NEBL: variants seen among roughly 807,000 people sequenced by gnomAD.
NEBL encodes the protein nebulette.
In NEBL, 122 loss-of-function variants were observed where a neutral mutation model predicts 140.2. The observed-to-expected ratio is 0.87, with a 90% CI of 0.75 to 1.01. The LOEUF (loss-of-function observed/expected upper bound fraction) is 1.01. Among genes scored for constraint, NEBL ranks in the 50% least tolerant of loss-of-function variants. NEBL has a pLI of 0.00. For synonymous variants in NEBL, 436 were observed against 398.9 expected (o/e 1.09, Z -1.11); for missense variants, 1,365 against 1,231.3 (o/e 1.11, Z -1.62).
chr10:21,069,095 C>T (rs1002622663), intron 2 of NEBL, among the ~76,000 whole-genome samples: 2 of 152,136 alleles, frequency 1.3e-5, no homozygotes, highest in Non-Finnish European at 2.9e-5. Context: ...CACTATGTGG[C>T]CCAGGCTGGT....
intron 26 of NEBL, among the ~76,000 whole-genome samples, chr10:20,797,169 T>G (rs1328253481): frequency 6.6e-6 from 1 of 152,238 alleles, no homozygotes; most frequent in Non-Finnish European, 1.5e-5. Flanking sequence ...TTTTCCTCAG[T>G]GAATACTACT....
At chr10:20,876,130 C>T (rs1845474866) in intron 5 of NEBL, among the ~76,000 whole-genome samples, 1 of 152,038 alleles carries the variant, frequency 6.6e-6, no homozygotes, top group South Asian at 2.1e-4. Context: ...GAATATAAGC[C>T]TTTTAAATAT....
At chr10:20,843,483 T>C (rs1841581925) in intron 12 of NEBL, among the ~76,000 whole-genome samples, 1 of 151,946 alleles carries the variant, frequency 6.6e-6, no homozygotes, top group South Asian at 2.1e-4. Flanking sequence ...TAAAGTCATT[T>C]ATGAATCTCA....
intron 3 of NEBL, among the ~76,000 whole-genome samples, chr10:21,213,823 A>T (rs771337927): frequency 1.3e-5 from 2 of 152,236 alleles, no homozygotes; most frequent in East Asian, 1.9e-4. Flanking sequence ...ATATCTACAC[A>T]TTATATACCT....
chr10:21,200,612 C>T lies in NEBL; in HGVS notation n.349-28135G>A, dbSNP rs114286515. 2.1e-3 allele frequency among the ~76,000 whole-genome samples: 323 copies of T among 152,318 alleles called. 3 individuals are homozygous for T. The highest frequency in any genetic ancestry group is 0.014 in the Middle Eastern group (4 of 294). ...TATAGGCGTGAGCCACCGCGCCCAA[C>T]CCCACGGGAATTTTAAGATGGCCAC... On this transcript the variant is annotated intron_variant and non_coding_transcript_variant, in intron 3 of 8. Coordinates refer to the NEBL transcript ENST00000675702.
intron 3 of NEBL, among the ~76,000 whole-genome samples, chr10:21,189,758 C>T (rs1341015843): frequency 2.0e-5 from 3 of 152,192 alleles, no homozygotes; most frequent in East Asian, 1.9e-4. Context: ...TGAGCCACCG[C>T]GCCTGGCCCA....
intron 3 of NEBL, among the ~76,000 whole-genome samples, chr10:20,970,667 G>T (rs1409935613): frequency 6.6e-6 from 1 of 151,706 alleles, no homozygotes; most frequent in Admixed American, 6.6e-5. Flanking sequence ...AAAATTAATA[G>T]AATATAAATA....
rs773544548 is a variant in NEBL, at chr10:20,809,810, G to A, written c.2607C>T (p.Leu869=). The change falls in exon 25 of 28, where the codon CTC becomes CTT. Residue 869 remains leucine, a synonymous_variant. Coordinates refer to ENST00000377122, the MANE Select transcript of NEBL (RefSeq NM_006393.3). ...GAACTAAAAAGTGAGTAATACCAGA[G>A]AGCATATGGAGACTTCTAGACTGAA... is the stretch of plus-strand genomic sequence containing the variant. ...DNIQSRSLHM[L]SEKASHYRRH... 6.2e-7 allele frequency: 1 copy of A among 1,603,796 alleles called. No individual in the cohort carries two copies. The highest frequency in any genetic ancestry group is 2.2e-5 in the East Asian group (1 of 44,792).
intron 3 of NEBL, among the ~76,000 whole-genome samples, chr10:20,978,803 C>T (rs1297706646): frequency 6.7e-6 from 1 of 149,032 alleles, no homozygotes; most frequent in African/African-American, 2.5e-5. Flanking sequence ...GTAATCAAAA[C>T]AATTGCTGCT....
At chr10:21,275,807 A>AATTTTTTTTTT (rs1410446130) in intron 1 of NEBL, among the ~76,000 whole-genome samples, 5 of 113,806 alleles carry the variant, frequency 4.4e-5, no homozygotes, top group African/African-American at 1.8e-4. Flanking sequence ...CACCCAGCTA[A>AATTTTTTTTTT]TTTTTTTTTT....
intron 2 of NEBL, among the ~76,000 whole-genome samples, chr10:21,122,739 C>A (rs1838637611): frequency 6.6e-6 from 1 of 152,090 alleles, no homozygotes; most frequent in South Asian, 2.1e-4. Flanking sequence ...GAAGAGATAT[C>A]TATTTGAGTC....
intron 4 of NEBL, among the ~76,000 whole-genome samples, chr10:20,927,252 C>T (rs1833956741): frequency 6.6e-6 from 1 of 152,198 alleles, no homozygotes; most frequent in Non-Finnish European, 1.5e-5. Context: ...CACAGAACAT[C>T]ATAGCCGACT....
At chr10:21,001,849 A>G (rs1837915550) in intron 3 of NEBL, among the ~76,000 whole-genome samples, 1 of 152,196 alleles carries the variant, frequency 6.6e-6, no homozygotes, top group Admixed American at 6.5e-5. Flanking sequence ...TTAGGTAGCA[A>G]TCTGATGTAC....
At chr10:21,028,251 A>ACGAAGAAGAAGAAGAAGAAGAAGAAG (rs1554819362) in intron 2 of NEBL, among the ~76,000 whole-genome samples, 1 of 36,838 alleles carries the variant, frequency 2.7e-5, no homozygotes, top group Admixed American at 2.0e-4. Context: ...AAAAAAAAAA[A>ACGAAGAAGAAGAAGAAGAAGAAGAAG]AAAAAGAAGA....
chr10:21,005,867 T>C (rs1838117073), intron 3 of NEBL, among the ~76,000 whole-genome samples: 1 of 152,130 alleles, frequency 6.6e-6, no homozygotes, highest in African/African-American at 2.4e-5. Flanking sequence ...GCAATCTTTT[T>C]TTTCCTTTAT....
intron 2 of NEBL, among the ~76,000 whole-genome samples, chr10:21,138,952 T>G (rs1208843970): frequency 6.6e-6 from 1 of 152,004 alleles, no homozygotes; most frequent in Non-Finnish European, 1.5e-5. Context: ...CACATCGTAA[T>G]AAATAACAGC....
At chr10:20,910,893 C>T (rs1203053478) in intron 4 of NEBL, among the ~76,000 whole-genome samples, 1 of 150,236 alleles carries the variant, frequency 6.7e-6, no homozygotes, top group Non-Finnish European at 1.5e-5. Context: ...ACTGGCCAGG[C>T]ATGGTGGTTC....
intron 3 of NEBL, among the ~76,000 whole-genome samples, chr10:21,235,836 A>G (rs72800007): frequency 0.041 from 6,230 of 152,274 alleles, 191 homozygotes; most frequent in South Asian, 0.14. Flanking sequence ...GTTTTACTAC[A>G]TTGTGCATCG....
chr10:20,995,836 G>C (rs1419380920), intron 3 of NEBL, among the ~76,000 whole-genome samples: 1 of 151,922 alleles, frequency 6.6e-6, no homozygotes, highest in African/African-American at 2.4e-5. Flanking sequence ...GGGAAGGCCC[G>C]CTCTGAGCTA....
Sources: allele counts gnomAD v4.1 joint callset (sites outside exome capture counted in the v4.1 genomes callset), GRCh38; gene constraint gnomAD v4.1.1; transcripts MANE v1.5; gene names NCBI Gene and HGNC (gene_info 2026-07-23, HGNC 2026-07-21).